SCARA5: variants seen among roughly 807,000 people sequenced by gnomAD.
SCARA5 encodes scavenger receptor class A, member 5 (putative).
In SCARA5, 45 loss-of-function variants were observed where a neutral mutation model predicts 46.3. That is an observed-to-expected ratio of 0.97 (90% CI 0.76 to 1.24). The LOEUF (loss-of-function observed/expected upper bound fraction) is 1.24. Among genes scored for constraint, SCARA5 ranks in the 50% most tolerant of loss-of-function variants. The probability of loss-of-function intolerance (pLI) is 0.00; values close to 1 mark genes in which losing one functional copy is unlikely to be tolerated. For missense variants in SCARA5, 680 were observed against 689.0 expected, an observed-to-expected ratio of 0.99 and a Z score of 0.15; for synonymous variants, 333 against 306.5, an observed-to-expected ratio of 1.09 and a Z score of -0.90.
chr8:27,948,111 G>A (rs1262893750), intron 3 of SCARA5, among the ~76,000 whole-genome samples: 2 of 152,090 alleles, frequency 1.3e-5, no homozygotes, highest in African/African-American at 2.4e-5. Flanking sequence ...ACTTAAAAAT[G>A]GTTAAAATGA....
chr8:27,876,617 T>C (rs1806728558), intron 8 of SCARA5, among the ~76,000 whole-genome samples: 1 of 152,112 alleles, frequency 6.6e-6, no homozygotes, highest in Non-Finnish European at 1.5e-5. Context: ...GAGAAGCCCA[T>C]GGGGCATCCG....
At chr8:27,876,973 C>G (rs1012233761) in intron 8 of SCARA5, among the ~76,000 whole-genome samples, 7 of 152,112 alleles carry the variant, frequency 4.6e-5, no homozygotes, top group African/African-American at 1.4e-4. Context: ...TTTCCCTCCT[C>G]TCGGCCCCAT....
chr8:27,907,185 C>T lies in SCARA5; in HGVS notation c.1059G>A (p.Leu353=), dbSNP rs1397294918. Residue 353 remains leucine (L), a synonymous_variant, in exon 6 of 9, where the codon CTG becomes CTA. Coordinates refer to ENST00000354914, the MANE Select transcript of SCARA5 (RefSeq NM_173833.6). ...GCATGCCCATTGGTCCTGTGGCCCC[C>T]AGCTTCCCATCATCGCCCTTGGGCC... ...LPGPKGDDGK[L]GATGPMGMRG... 8.1e-6 allele frequency: 13 copies of T among 1,613,702 alleles called. No homozygotes were observed. Among genetic ancestry groups the T allele is most frequent in the Non-Finnish European group, 1.1e-5 (13 of 1,179,894 alleles).
At chr8:27,986,493 C>T (rs938370482) in intron 2 of SCARA5, among the ~76,000 whole-genome samples, 3 of 152,122 alleles carry the variant, frequency 2.0e-5, no homozygotes, top group Admixed American at 1.3e-4. Context: ...CGTGGATCCT[C>T]AAAATATGTT....
chr8:27,905,705 C>CTTTT (rs869032548), intron 6 of SCARA5, among the ~76,000 whole-genome samples: 1 of 8,064 alleles, frequency 1.2e-4, no homozygotes, highest in African/African-American at 2.2e-4. Flanking sequence ...CTTTTCTTTT[C>CTTTT]TTTTTTTTTT....
intron 3 of SCARA5, among the ~76,000 whole-genome samples, chr8:27,957,505 G>A (rs1198765603): frequency 6.6e-6 from 1 of 152,212 alleles, no homozygotes; most frequent in Non-Finnish European, 1.5e-5. Context: ...AAACTTGCCT[G>A]AGGTCACATA....
At chr8:27,969,825 AAAACAAAG>A (rs1808421925) in intron 2 of SCARA5, among the ~76,000 whole-genome samples, 1 of 152,192 alleles carries the variant, frequency 6.6e-6, no homozygotes. Context: ...CTACTATTAA[AAAACAAAG>A]TCTATTAAAA....
intron 8 of SCARA5, among the ~76,000 whole-genome samples, chr8:27,874,509 C>T (rs762899528): frequency 6.6e-6 from 1 of 152,226 alleles, no homozygotes; most frequent in East Asian, 1.9e-4. Flanking sequence ...CACAGCCCCA[C>T]CCATTTGATT....
rs1808805632 is a variant in SCARA5 at position 27,992,583 on chromosome 8, G to A, written c.-342C>T. ...TGTCCTTGGTGCCTGGTCCTGGGTA[G>A]CGATCAGGAGATGTTCTGAGGAGGC... On this transcript the variant is annotated 5_prime_UTR_variant, in exon 1 of 9. Transcript: ENST00000354914. 6.6e-6 allele frequency: 1 copy of A among 152,490 alleles called. No homozygotes were observed. The highest frequency in any genetic ancestry group is 2.1e-4 in the South Asian group (1 of 4,840). The allele number at this position is 152,490 out of a possible 1,614,324, so 9.4% of individuals were successfully genotyped here.
At chr8:27,987,700 G>A in intron 1 of SCARA5, 70 bp from the exon 2 acceptor site, 2 of 924,874 alleles carry the variant, frequency 2.2e-6, no homozygotes, top group Middle Eastern at 2.2e-4. Context: ...TCAACTGTAG[G>A]TGGAAACAGA....
chr8:27,920,529 G>T, intron 4 of SCARA5, among the ~76,000 whole-genome samples: 1 of 150,634 alleles, frequency 6.6e-6, no homozygotes, highest in East Asian at 2.0e-4. Flanking sequence ...CAGGAGAATC[G>T]CTTGAACCTG....
intron 8 of SCARA5, among the ~76,000 whole-genome samples, chr8:27,875,197 T>TCACTC (rs1806703693): frequency 1.2e-5 from 1 of 82,226 alleles, no homozygotes; most frequent in African/African-American, 3.4e-5. Context: ...CTCCCTCCCT[T>TCACTC]CACTCCTCCC....
chr8:27,924,838 C>A (rs1409402244), intron 3 of SCARA5, among the ~76,000 whole-genome samples: 1 of 152,120 alleles, frequency 6.6e-6, no homozygotes, highest in Non-Finnish European at 1.5e-5. Flanking sequence ...TCCTATACAC[C>A]AATAACAGAC....
chr8:27,975,690 A>G (rs1808512311), intron 2 of SCARA5, among the ~76,000 whole-genome samples: 7 of 147,188 alleles, frequency 4.8e-5, no homozygotes, highest in Admixed American at 3.3e-4. Flanking sequence ...AGAAAAAAAC[A>G]TTTTGGTTTT....
Position 27,872,044 on chromosome 8 carries a change from C to T in SCARA5, c.1378G>A (p.Val460Ile), listed in dbSNP as rs551645097. ...QGTGRIWMDD[V>I]ACKGTEETIF... ...GTTTCCTCTGTGCCCTTGCAGGCAA[C>T]GTCATCCATCCAGATCCTCCCAGTG... The change falls in exon 9 of 9, where the codon GTT becomes ATT. Residue 460 changes from valine (V) to isoleucine (I), a missense_variant. Physicochemically the swap from Val to Ile is conservative, Grantham distance 29. Coordinates refer to ENST00000354914, the MANE Select transcript of SCARA5 (RefSeq NM_173833.6). 55 of 1,614,246 alleles carry T rather than the reference C, an allele frequency of 3.4e-5. No individual in the cohort carries two copies. The highest frequency in any genetic ancestry group is 1.1e-4 in the South Asian group (10 of 91,086).
At chr8:27,969,204 GC>G in intron 2 of SCARA5, among the ~76,000 whole-genome samples, 1 of 152,268 alleles carries the variant, frequency 6.6e-6, no homozygotes, top group East Asian at 1.9e-4. Context: ...AAGCATGTTA[GC>G]TGGGTAAACC....
chr8:27,922,835 C>T (rs918663566), intron 3 of SCARA5, among the ~76,000 whole-genome samples: 3 of 152,116 alleles, frequency 2.0e-5, no homozygotes, highest in East Asian at 1.9e-4. Flanking sequence ...AGAGCCCTCG[C>T]GTATTAGATT....
chr8:27,950,879 G>GAAAAA (rs766482225), intron 3 of SCARA5, among the ~76,000 whole-genome samples: 22 of 141,020 alleles, frequency 1.6e-4, no homozygotes, highest in African/African-American at 3.4e-4. Context: ...AGCTTTATGG[G>GAAAAA]AAAAAAAAAA....
chr8:27,872,101 G>C, intron 8 of SCARA5, 31 bp from the exon 9 acceptor site: 1 of 1,612,532 alleles, frequency 6.2e-7, no homozygotes, highest in South Asian at 1.1e-5. Flanking sequence ...AGCTATAAGC[G>C]GATACACAGG....
Sources: gnomAD v4.1 joint callset for allele counts (sites outside exome capture counted in the v4.1 genomes callset) on GRCh38, gnomAD v4.1.1 for gene constraint, MANE v1.5 for transcripts, NCBI Gene and HGNC (gene_info 2026-07-23, HGNC 2026-07-21) for gene names.